The following ARHGAP42 variants were observed in gnomAD, a reference collection of about 807,000 sequenced individuals.
ARHGAP42 encodes the protein Rho GTPase activating protein 42.
A neutral mutation model predicts 125.0 loss-of-function variants in ARHGAP42; 63 were observed. The ratio of observed to expected loss-of-function variants is 0.50; its 90% CI spans 0.41 to 0.62. The LOEUF is 0.62. Among genes scored for constraint, ARHGAP42 ranks in the 20% least tolerant of loss-of-function variants. The pLI is 0.00. For synonymous variants in ARHGAP42, 339 were observed against 351.0 expected (o/e 0.97, Z 0.38); for missense variants, 766 against 1,024.2 (o/e 0.75, Z 3.44).
chr11:100,831,996 T>A (rs962740922), intron 3 of ARHGAP42, among the ~76,000 whole-genome samples: 1 of 152,244 alleles, frequency 6.6e-6, no homozygotes, highest in Admixed American at 6.5e-5. Flanking sequence ...TTTTGTGGAC[T>A]GGCAGGTTGG....
intron 2 of ARHGAP42, among the ~76,000 whole-genome samples, chr11:100,786,044 C>T (rs527693438): frequency 1.2e-3 from 186 of 152,248 alleles, no homozygotes; most frequent in African/African-American, 4.4e-3. Flanking sequence ...TACTTCAGCA[C>T]CTCATATTAT....
At chr11:100,955,523 G>T (rs368975569) in intron 12 of ARHGAP42, among the ~76,000 whole-genome samples, 10 of 152,216 alleles carry the variant, frequency 6.6e-5, no homozygotes, top group East Asian at 5.8e-4. Context: ...CATCAGAGAA[G>T]GTACTTGAGC....
chr11:100,934,371 G>A (rs954340581), intron 7 of ARHGAP42, among the ~76,000 whole-genome samples: 24 of 150,646 alleles, frequency 1.6e-4, no homozygotes, highest in African/African-American at 5.4e-4. Context: ...CATATTACCC[G>A]TCTAACCTGA....
At chr11:100,803,705 T>C (rs565465688) in intron 3 of ARHGAP42, among the ~76,000 whole-genome samples, 2 of 152,298 alleles carry the variant, frequency 1.3e-5, no homozygotes, top group African/African-American at 4.8e-5. Flanking sequence ...CCTCCAATCA[T>C]TGTCTGACCC....
chr11:100,977,018 A>C (rs575734), intron 21 of ARHGAP42, 47 bp downstream of exon 21: 1 of 1,544,046 alleles, frequency 6.5e-7, no homozygotes, highest in South Asian at 1.2e-5. Flanking sequence ...GGATACAGAG[A>C]GGAGTTGAGT....
intron 3 of ARHGAP42, among the ~76,000 whole-genome samples, chr11:100,822,228 T>G (rs1461847206): frequency 6.6e-6 from 1 of 152,206 alleles, no homozygotes; most frequent in Non-Finnish European, 1.5e-5. Flanking sequence ...ATAACCTTAA[T>G]TTGTTGTAAA....
At chr11:100,860,959 G>A (rs1424213195) in intron 4 of ARHGAP42, among the ~76,000 whole-genome samples, 3 of 152,192 alleles carry the variant, frequency 2.0e-5, no homozygotes, top group Non-Finnish European at 4.4e-5. Context: ...AACGGATGTA[G>A]CTGTAAACAA....
intron 1 of ARHGAP42, among the ~76,000 whole-genome samples, chr11:100,735,940 T>C (rs544668619): frequency 1.3e-5 from 2 of 152,332 alleles, no homozygotes; most frequent in African/African-American, 4.8e-5. Context: ...AAGTGTTTCA[T>C]ATCCTATTTG....
chr11:100,739,772 T>G (rs938430263), intron 1 of ARHGAP42, among the ~76,000 whole-genome samples: 1 of 152,170 alleles, frequency 6.6e-6, no homozygotes, highest in Non-Finnish European at 1.5e-5. Flanking sequence ...GAGCATAACT[T>G]CTTTTCCCAT....
intron 2 of ARHGAP42, among the ~76,000 whole-genome samples, chr11:100,781,235 C>T (rs986855252): frequency 4.6e-5 from 7 of 151,186 alleles, no homozygotes; most frequent in Non-Finnish European, 1.0e-4. Flanking sequence ...TAGGATCTTT[C>T]TCTTACTTTC....
rs1591347777 is a variant in ARHGAP42 at position 100,992,795 on chromosome 11, G to A, written c.*3994G>A. Reference sequence around the variant, plus strand: ...TAAATAAAGAATCTTACATAAGAATGTTGACAACATTCACAGTAAGCCATT... The same window carrying A: ...TAAATAAAGAATCTTACATAAGAATATTGACAACATTCACAGTAAGCCATT... On this transcript the variant is annotated 3_prime_UTR_variant, in exon 24 of 24. Transcript: ENST00000298815. 1.4e-6 allele frequency: 2 copies of A among 1,380,096 alleles called. No homozygotes were observed. The highest frequency in any genetic ancestry group is 4.6e-5 in the East Asian group (2 of 43,188). 85.5% of individuals were successfully genotyped at this position (1,380,096 alleles called of 1,614,324 possible).
chr11:100,844,787 T>C (rs2135118074), intron 3 of ARHGAP42, among the ~76,000 whole-genome samples: 1 of 152,126 alleles, frequency 6.6e-6, no homozygotes, highest in Middle Eastern at 3.4e-3. Flanking sequence ...ATTCAAAAAA[T>C]AGTAGATGTT....
At chr11:100,850,321 A>G (rs1012450818) in intron 3 of ARHGAP42, among the ~76,000 whole-genome samples, 7 of 152,234 alleles carry the variant, frequency 4.6e-5, no homozygotes, top group Non-Finnish European at 1.0e-4. Context: ...TCTATACAGG[A>G]TATCACTGTA....
At chr11:100,925,567 A>G (rs535200589) in intron 6 of ARHGAP42, among the ~76,000 whole-genome samples, 1 of 151,944 alleles carries the variant, frequency 6.6e-6, no homozygotes, top group Non-Finnish European at 1.5e-5. Context: ...GTGAAACCTC[A>G]TCTCTACTAA....
intron 1 of ARHGAP42, among the ~76,000 whole-genome samples, chr11:100,690,912 T>A (rs946069307): frequency 3.3e-5 from 5 of 152,168 alleles, no homozygotes; most frequent in African/African-American, 1.2e-4. Flanking sequence ...CATCCATTAT[T>A]ACGTTTCAGA....
At chr11:100,913,175 A>T (rs565532496) in intron 4 of ARHGAP42, among the ~76,000 whole-genome samples, 2 of 152,208 alleles carry the variant, frequency 1.3e-5, no homozygotes, top group South Asian at 4.2e-4. Context: ...TACCCATACT[A>T]CAGTTCCATT....
intron 2 of ARHGAP42, among the ~76,000 whole-genome samples, chr11:100,794,652 G>A (rs1437967996): frequency 6.6e-6 from 1 of 152,190 alleles, no homozygotes; most frequent in Non-Finnish European, 1.5e-5. Context: ...CTAGAAGTCA[G>A]TGGAAAATTT....
At chr11:100,979,982 A>G (rs187685203) in intron 22 of ARHGAP42, among the ~76,000 whole-genome samples, 124 of 152,332 alleles carry the variant, frequency 8.1e-4, no homozygotes, top group Admixed American at 3.5e-3. Context: ...AAACATTTAT[A>G]AAGTACCTAG....
At chr11:100,964,524 T>G (rs17726715) in intron 16 of ARHGAP42, among the ~76,000 whole-genome samples, 16,208 of 152,194 alleles carry the variant, frequency 0.11, 1,066 homozygotes, top group Non-Finnish European at 0.13. Flanking sequence ...TGCGCCCAGA[T>G]GAAATGGTAG....
Sources: gnomAD v4.1 joint callset for allele counts (sites outside exome capture counted in the v4.1 genomes callset) on GRCh38, gnomAD v4.1.1 for gene constraint, MANE v1.5 for transcripts, NCBI Gene and HGNC (gene_info 2026-07-23, HGNC 2026-07-21) for gene names.